The following MACROD2 variants were observed in gnomAD, a reference collection of about 807,000 sequenced individuals.
MACROD2 encodes the protein ADP-ribose glycohydrolase MACROD2.
In MACROD2, 36 loss-of-function variants were observed where a neutral mutation model predicts 70.4. The observed-to-expected ratio is 0.51, with a 90% CI of 0.39 to 0.68. MACROD2 has a LOEUF of 0.68. MACROD2 is among the 30% of genes least tolerant of loss of function. MACROD2 has a pLI of 0.00. For synonymous variants in MACROD2, 172 were observed against 178.8 expected (o/e 0.96, Z 0.30); for missense variants, 496 against 538.4 (o/e 0.92, Z 0.78).
intron 5 of MACROD2, among the ~76,000 whole-genome samples, chr20:15,092,668 G>A (rs1308740287): frequency 2.0e-5 from 3 of 151,870 alleles, no homozygotes; most frequent in Admixed American, 2.0e-4. Flanking sequence ...TATCAAAACA[G>A]CAGCTATAGA....
intron 4 of MACROD2, among the ~76,000 whole-genome samples, chr20:14,642,961 G>C (rs537717382): frequency 6.6e-6 from 1 of 151,840 alleles, no homozygotes; most frequent in Non-Finnish European, 1.5e-5. Context: ...TGCAGTATCC[G>C]TGGAGCACAG....
At chr20:14,369,289 A>G (rs1037506012) in intron 3 of MACROD2, among the ~76,000 whole-genome samples, 1 of 85,624 alleles carries the variant, frequency 1.2e-5, no homozygotes, top group Non-Finnish European at 3.1e-5. Context: ...GTTATAGCAA[A>G]TGTAGTTTTT....
At chr20:15,266,880 T>C (rs1408452487) in intron 6 of MACROD2, among the ~76,000 whole-genome samples, 1 of 152,206 alleles carries the variant, frequency 6.6e-6, no homozygotes, top group Admixed American at 6.5e-5. Flanking sequence ...ATGCAAGACA[T>C]TCATCCAGAC....
rs192790711 is a variant in MACROD2, at chr20:14,085,897, C to A, written c.271+169C>A. ...TTGGAGATCTATTTTTTTGTATGTTCTGCAATTAATGTGCATCTACAGTAC... is the reference window on the plus strand; with the variant it reads ...TTGGAGATCTATTTTTTTGTATGTTATGCAATTAATGTGCATCTACAGTAC... On this transcript the variant is annotated intron_variant, in intron 3 of 17. Transcript: ENST00000684519. 2.6e-5 allele frequency among the ~76,000 whole-genome samples: 4 copies of A among 152,110 alleles called. No homozygotes were observed. In the South Asian group the frequency reaches 6.2e-4, roughly 24 times the overall value.
At chr20:15,026,708 C>T (rs16995216) in intron 5 of MACROD2, among the ~76,000 whole-genome samples, 25,359 of 151,886 alleles carry the variant, frequency 0.17, 2,318 homozygotes, top group African/African-American at 0.23. Flanking sequence ...ACTCTGCGGA[C>T]TGCTGAAGGA....
chr20:15,342,865 G>A (rs1488736974), intron 6 of MACROD2, among the ~76,000 whole-genome samples: 1 of 152,198 alleles, frequency 6.6e-6, no homozygotes, highest in Non-Finnish European at 1.5e-5. Context: ...TCTGTGTGAA[G>A]AGCAGAGGGC....
intron 5 of MACROD2, among the ~76,000 whole-genome samples, chr20:14,721,670 T>C (rs947900425): frequency 6.6e-6 from 1 of 152,228 alleles, no homozygotes; most frequent in African/African-American, 2.4e-5. Context: ...GTTTCTTCTG[T>C]ATTGAAAAGG....
intron 4 of MACROD2, among the ~76,000 whole-genome samples, chr20:14,659,994 G>A (rs1043387608): frequency 1.3e-5 from 2 of 152,176 alleles, no homozygotes; most frequent in Non-Finnish European, 2.9e-5. Context: ...TGTTTAGAGA[G>A]AATAAAGGTT....
intron 3 of MACROD2, among the ~76,000 whole-genome samples, chr20:14,451,876 T>G (rs1272029329): frequency 6.6e-6 from 1 of 152,218 alleles, no homozygotes; most frequent in Non-Finnish European, 1.5e-5. Flanking sequence ...TTCTGTCATG[T>G]GCCTTGAATT....
At chr20:14,257,500 G>A (rs1054061111) in intron 3 of MACROD2, among the ~76,000 whole-genome samples, 1 of 151,848 alleles carries the variant, frequency 6.6e-6, no homozygotes, top group Non-Finnish European at 1.5e-5. Flanking sequence ...GCTTTATGTT[G>A]TATGAAAACT....
chr20:14,114,400 G>A (rs2054489841), intron 3 of MACROD2, among the ~76,000 whole-genome samples: 1 of 152,122 alleles, frequency 6.6e-6, no homozygotes, highest in South Asian at 2.1e-4. Context: ...TCCTTGAAAA[G>A]CAAATGTGTC....
At chr20:15,115,141 G>A (rs529488712) in intron 5 of MACROD2, among the ~76,000 whole-genome samples, 7 of 152,228 alleles carry the variant, frequency 4.6e-5, no homozygotes, top group African/African-American at 1.7e-4. Context: ...ATTTGTTGCA[G>A]TCAAAAAATT....
intron 3 of MACROD2, among the ~76,000 whole-genome samples, chr20:14,093,325 G>T (rs148992142): frequency 6.6e-6 from 1 of 151,754 alleles, no homozygotes; most frequent in Non-Finnish European, 1.5e-5. Context: ...AGCTTCAAGC[G>T]ATCCTACTAC....
intron 8 of MACROD2, among the ~76,000 whole-genome samples, chr20:15,758,375 A>T (rs1288592295): frequency 1.3e-5 from 2 of 149,764 alleles, no homozygotes; most frequent in Non-Finnish European, 3.0e-5. Flanking sequence ...AGTAGTTGGG[A>T]TTACAGGTGC....
At chr20:15,521,902 G>A (rs1316666212) in intron 8 of MACROD2, among the ~76,000 whole-genome samples, 2 of 152,216 alleles carry the variant, frequency 1.3e-5, no homozygotes, top group Non-Finnish European at 2.9e-5. Flanking sequence ...TTCGTATGCA[G>A]CTTAAAAGCA....
intron 4 of MACROD2, among the ~76,000 whole-genome samples, chr20:14,525,609 G>A (rs2085222017): frequency 6.6e-6 from 1 of 152,310 alleles, no homozygotes; most frequent in East Asian, 1.9e-4. Context: ...ATGCCATGTG[G>A]CCACCTGTGC....
intron 5 of MACROD2, among the ~76,000 whole-genome samples, chr20:15,172,782 A>G (rs1901120371): frequency 6.6e-6 from 1 of 152,322 alleles, no homozygotes; most frequent in East Asian, 1.9e-4. Flanking sequence ...CAGATTAATA[A>G]TTATCAGCAA....
chr20:16,013,356 C>A (rs926853293), intron 15 of MACROD2, among the ~76,000 whole-genome samples: 1 of 151,998 alleles, frequency 6.6e-6, no homozygotes, highest in Non-Finnish European at 1.5e-5. Flanking sequence ...TGATGAAGAA[C>A]CTAAAATAGA....
chr20:14,193,714 A>G (rs2081407436), intron 3 of MACROD2, among the ~76,000 whole-genome samples: 1 of 152,178 alleles, frequency 6.6e-6, no homozygotes, highest in South Asian at 2.1e-4. Context: ...AGGGTGGGAA[A>G]GAGAAAAAAA....
Sources: gnomAD v4.1 joint callset for allele counts (sites outside exome capture counted in the v4.1 genomes callset) on GRCh38, gnomAD v4.1.1 for gene constraint, MANE v1.5 for transcripts, NCBI Gene and HGNC (gene_info 2026-07-23, HGNC 2026-07-21) for gene names.